The following DNM3 variants were observed in gnomAD, a reference collection of about 807,000 sequenced individuals.
The protein encoded by DNM3 is dynamin 3, also known as dynamin-3.
A neutral mutation model predicts 101.6 loss-of-function variants in DNM3; 47 were observed. The observed-to-expected ratio is 0.46, with a 90% CI of 0.37 to 0.59. The LOEUF (loss-of-function observed/expected upper bound fraction) is 0.59. Ranked by LOEUF, DNM3 falls within the 20% of genes least tolerant of loss-of-function variation. The pLI, the probability that DNM3 is intolerant of heterozygous loss-of-function variation, is 0.00. For synonymous variants in DNM3, 385 were observed against 387.9 expected (o/e 0.99, Z 0.09); for missense variants, 849 against 1,085.7 (o/e 0.78, Z 3.06).
At chr1:171,868,064 C>G (rs2034930149) in intron 1 of DNM3, among the ~76,000 whole-genome samples, 1 of 152,096 alleles carries the variant, frequency 6.6e-6, no homozygotes, top group African/African-American at 2.4e-5. Flanking sequence ...TGGTAAATTA[C>G]TCTAAAAATT....
intron 14 of DNM3, chr1:172,138,237 GACCCAGACTGGCAGAGTTA>G (rs1366923974): frequency 6.6e-6 from 1 of 150,590 alleles, no homozygotes; most frequent in African/African-American, 2.4e-5. Flanking sequence ...GTTTTGCCCA[GACCCAGACTGGCAGAGTTA>G]ACCCAGACTG....
chr1:171,855,422 C>T (rs1403460417), intron 1 of DNM3, among the ~76,000 whole-genome samples: 1 of 152,092 alleles, frequency 6.6e-6, no homozygotes, highest in South Asian at 2.1e-4. Flanking sequence ...TTGAATGGTA[C>T]TTCTGCTTTT....
rs1189542477 is a variant in DNM3 at position 171,973,034 on chromosome 1, A to G, written c.236-14622A>G. ...GTGGCTTTTCTCAGATGCTTAAAGT[A>G]GTCATAACCCCAGAAACAAGAACCG... is the stretch of plus-strand genomic sequence containing the variant. On this transcript the variant is annotated intron_variant, in intron 2 of 20. Coordinates refer to ENST00000627582, the MANE Select transcript of DNM3 (RefSeq NM_015569.5). Among the ~76,000 whole-genome samples the G allele has an allele frequency of 2.0e-5, 3 of 152,018 alleles. No individual in the cohort carries two copies. The East Asian group carries it at 5.8e-4, about 29-fold the overall frequency.
At chr1:171,892,630 G>A (rs2037392118) in intron 1 of DNM3, among the ~76,000 whole-genome samples, 2 of 152,120 alleles carry the variant, frequency 1.3e-5, no homozygotes, top group African/African-American at 4.8e-5. Flanking sequence ...GTTCATTTAT[G>A]TATACATGTA....
intron 1 of DNM3, among the ~76,000 whole-genome samples, chr1:171,861,228 G>A (rs1481525265): frequency 1.3e-5 from 2 of 152,078 alleles, no homozygotes; most frequent in African/African-American, 4.8e-5. Flanking sequence ...TGCCATTTTT[G>A]TGCAGAAATT....
intron 1 of DNM3, among the ~76,000 whole-genome samples, chr1:171,883,284 A>G (rs1401014561): frequency 6.6e-6 from 1 of 150,858 alleles, no homozygotes; most frequent in African/African-American, 2.4e-5. Context: ...GCTGAGGTGG[A>G]AGGATCATTT....
At chr1:172,169,974 C>G (rs2148336979) in intron 14 of DNM3, among the ~76,000 whole-genome samples, 1 of 151,824 alleles carries the variant, frequency 6.6e-6, no homozygotes, top group East Asian at 1.9e-4. Flanking sequence ...CAAAGAAATC[C>G]CTTGAAGCTC....
chr1:172,118,458 T>C (rs1045127339), intron 13 of DNM3, among the ~76,000 whole-genome samples: 1 of 152,230 alleles, frequency 6.6e-6, no homozygotes, highest in Non-Finnish European at 1.5e-5. Context: ...TCTTGTTGCT[T>C]CCCTTTAGGG....
chr1:172,136,376 T>A (rs1481730391), intron 14 of DNM3, among the ~76,000 whole-genome samples: 3 of 152,172 alleles, frequency 2.0e-5, no homozygotes, highest in African/African-American at 7.2e-5. Flanking sequence ...TCACTTATAC[T>A]TTTAAGATTG....
At chr1:172,222,989 T>C (rs2060966103) in intron 14 of DNM3, among the ~76,000 whole-genome samples, 1 of 152,148 alleles carries the variant, frequency 6.6e-6, no homozygotes, top group Non-Finnish European at 1.5e-5. Context: ...GGGTGTAATG[T>C]GATGTTTCCA....
chr1:172,350,980 A>G (rs577980006), intron 17 of DNM3, among the ~76,000 whole-genome samples: 2 of 152,322 alleles, frequency 1.3e-5, no homozygotes, highest in East Asian at 3.9e-4. Context: ...ATTCATTTGC[A>G]TCCACTGACA....
intron 15 of DNM3, among the ~76,000 whole-genome samples, chr1:172,297,841 G>T (rs2757492): frequency 0.098 from 14,809 of 151,690 alleles, 972 homozygotes; most frequent in African/African-American, 0.19. Context: ...GTACATATTT[G>T]TGTCTTTCTA....
chr1:171,934,530 C>T (rs913359860), intron 2 of DNM3, among the ~76,000 whole-genome samples: 27 of 152,186 alleles, frequency 1.8e-4, no homozygotes, highest in Admixed American at 1.7e-3. Context: ...TTTTGCAATT[C>T]TTAAAAGCCC....
At chr1:172,158,101 G>C (rs774844089) in intron 14 of DNM3, among the ~76,000 whole-genome samples, 3 of 151,962 alleles carry the variant, frequency 2.0e-5, no homozygotes, top group Non-Finnish European at 2.9e-5. Context: ...GGTTAAGAAA[G>C]GTGGTATTTG....
chr1:172,386,712 G>A (rs980838413), intron 18 of DNM3: 1 of 157,626 alleles, frequency 6.3e-6, no homozygotes, highest in Admixed American at 6.1e-5. Context: ...GAATGCCAAG[G>A]AATGGAAAAC....
intron 2 of DNM3, among the ~76,000 whole-genome samples, chr1:171,924,624 G>T (rs994255897): frequency 6.6e-6 from 1 of 152,088 alleles, no homozygotes; most frequent in African/African-American, 2.4e-5. Flanking sequence ...CAGCATGGGG[G>T]AAACTGCCCC....
chr1:172,253,506 T>A, intron 14 of DNM3, 67 bp from the exon 15 acceptor site: 1 of 586,362 alleles, frequency 1.7e-6, no homozygotes, highest in Non-Finnish European at 2.7e-6. Context: ...TCTCCTCTCC[T>A]CTCCTCTCCT....
In DNM3 at chr1:172,410,727, A is replaced by G; in HGVS notation, c.*2886A>G. On this transcript the variant is annotated 3_prime_UTR_variant, in exon 21 of 21. Coordinates refer to ENST00000627582, the MANE Select transcript of DNM3 (RefSeq NM_015569.5). ...TAGCAAATTTCCTATTTGTTCCAAT[A>G]CAAACTCACTTTATTCTAAAGTATA... 1 of 985,350 alleles carries G rather than the reference A, an allele frequency of 1.0e-6. No homozygotes were observed. The highest frequency in any genetic ancestry group is 1.2e-6 in the Non-Finnish European group (1 of 829,840). 61.0% of individuals were successfully genotyped at this position (985,350 alleles called of 1,614,324 possible).
intron 15 of DNM3, among the ~76,000 whole-genome samples, chr1:172,262,624 C>T (rs1180402306): frequency 6.6e-6 from 1 of 152,150 alleles, no homozygotes; most frequent in Non-Finnish European, 1.5e-5. Flanking sequence ...CCTGTCACTT[C>T]TCTGTTGAAT....
Sources: gnomAD v4.1 joint callset for allele counts (sites outside exome capture counted in the v4.1 genomes callset) on GRCh38, gnomAD v4.1.1 for gene constraint, MANE v1.5 for transcripts, NCBI Gene and HGNC (gene_info 2026-07-23, HGNC 2026-07-21) for gene names.